Variants in ACTN1 observed in about 807,000 individuals in gnomAD.
ACTN1 encodes the protein alpha-actinin-1.
In ACTN1, 30 loss-of-function variants were observed where a neutral mutation model predicts 119.6. The ratio of observed to expected loss-of-function variants is 0.25; its 90% CI spans 0.19 to 0.34. The LOEUF is 0.34. Among genes scored for constraint, ACTN1 ranks in the 10% least tolerant of loss-of-function variants. The probability of loss-of-function intolerance (pLI) is 1.00; values close to 1 mark genes in which losing one functional copy is unlikely to be tolerated. For missense variants in ACTN1, 764 were observed against 1,223.4 expected, an observed-to-expected ratio of 0.62 and a Z score of 5.60; for synonymous variants, 429 against 472.6, an observed-to-expected ratio of 0.91 and a Z score of 1.20.
intron 1 of ACTN1, among the ~76,000 whole-genome samples, chr14:68,946,865 G>C (rs1485145730): frequency 6.6e-6 from 1 of 152,172 alleles, no homozygotes; most frequent in Non-Finnish European, 1.5e-5. Context: ...TGGAATGTTT[G>C]CAGGCACAAT....
intron 1 of ACTN1, among the ~76,000 whole-genome samples, chr14:68,959,827 G>A (rs1323578137): frequency 2.6e-5 from 4 of 152,090 alleles, no homozygotes; most frequent in South Asian, 4.1e-4. Context: ...AAGAGGCAAC[G>A]ACCCTCACAC....
chr14:68,950,493 A>C (rs1377597863), intron 1 of ACTN1, among the ~76,000 whole-genome samples: 1 of 112,332 alleles, frequency 8.9e-6, no homozygotes, highest in Non-Finnish European at 1.7e-5. Context: ...AAACATATAA[A>C]ATCTGTGGTA....
chr14:68,906,207 T>G (rs906145030), intron 6 of ACTN1, among the ~76,000 whole-genome samples: 10 of 152,270 alleles, frequency 6.6e-5, no homozygotes, highest in Admixed American at 1.3e-4. Context: ...GAACAGTAAG[T>G]GTATTTAAAA....
intron 3 of ACTN1, among the ~76,000 whole-genome samples, chr14:68,919,218 C>T (rs1263333457): frequency 6.6e-6 from 1 of 152,038 alleles, no homozygotes; most frequent in Admixed American, 6.5e-5. Flanking sequence ...GCACTGGATC[C>T]ACACAGCAGC....
At chr14:68,963,409 A>G (rs1686179219) in intron 1 of ACTN1, among the ~76,000 whole-genome samples, 2 of 152,238 alleles carry the variant, frequency 1.3e-5, no homozygotes, top group Non-Finnish European at 2.9e-5. Flanking sequence ...GCAGGTAGAT[A>G]TTCATTTTAT....
chr14:68,892,960 T>C (rs1240287673), intron 9 of ACTN1, among the ~76,000 whole-genome samples: 1 of 152,168 alleles, frequency 6.6e-6, no homozygotes, highest in African/African-American at 2.4e-5. Context: ...ATCACCTGCA[T>C]GTTACAGAGG....
At chr14:68,922,509 A>C (rs541956102) in intron 2 of ACTN1, among the ~76,000 whole-genome samples, 2 of 152,234 alleles carry the variant, frequency 1.3e-5, no homozygotes, top group South Asian at 4.1e-4. Flanking sequence ...GGATGCAGGC[A>C]GCACCACGTC....
Position 68,882,672 on chromosome 14 carries a change from G to A in ACTN1, c.1819-80C>T. 6.3e-7 allele frequency: 1 copy of A among 1,589,572 alleles called. No individual in the cohort carries two copies. The highest frequency in any genetic ancestry group is 8.6e-7 in the Non-Finnish European group (1 of 1,164,280). On this transcript the variant is annotated intron_variant, in intron 15 of 21. Transcript: ENST00000394419. The surrounding 1 kb of genome is among the most constrained non-coding windows in gnomAD (Gnocchi z 4.5). ...GCCAGATGAGGAAATGGAGGACCCA[G>A]AAGGGGAAGGGCCGGTCAGTAACAG...
chr14:68,964,375 G>A (rs1319476164), intron 1 of ACTN1, among the ~76,000 whole-genome samples: 5 of 152,180 alleles, frequency 3.3e-5, no homozygotes, highest in Admixed American at 6.5e-5. Context: ...CAGTCTCCAC[G>A]ACCAGAGAGG....
At chr14:68,946,548 C>A (rs2035952507) in intron 1 of ACTN1, among the ~76,000 whole-genome samples, 1 of 152,210 alleles carries the variant, frequency 6.6e-6, no homozygotes, top group South Asian at 2.1e-4. Context: ...ACTCCACCAG[C>A]AGCCCTGAGG....
Position 68,877,210 on chromosome 14 carries a change from T to C in ACTN1, c.2458A>G (p.Ile820Val), listed in dbSNP as rs751072881. The change falls in exon 21 of 22, where the codon ATT becomes GTT. Residue 820 changes from isoleucine to valine, a missense_variant. Coordinates refer to ENST00000394419, the MANE Select transcript of ACTN1 (RefSeq NM_001130004.2). ...GEAEFARIMSIVDPNRLGVVT... is the reference protein window; with the variant it reads ...GEAEFARIMSVVDPNRLGVVT... ...ACCCCCAGGCGGTTGGGGTCCACAA[T>C]GCTCATGATGCGGGCAAATTCTGCT... is the stretch of plus-strand genomic sequence containing the variant. 6.2e-7 allele frequency: 1 copy of C among 1,614,048 alleles called. No individual in the cohort carries two copies. The highest frequency in any genetic ancestry group is 8.5e-7 in the Non-Finnish European group (1 of 1,180,032).
intron 1 of ACTN1, among the ~76,000 whole-genome samples, chr14:68,966,873 G>GCCAAATGCA (rs1307274423): frequency 6.6e-6 from 1 of 152,220 alleles, no homozygotes; most frequent in African/African-American, 2.4e-5. Flanking sequence ...GCAGGGCTCA[G>GCCAAATGCA]CCAAATGCAA....
chr14:68,936,707 G>A, intron 1 of ACTN1: 1 of 637,304 alleles, frequency 1.6e-6, no homozygotes. Context: ...CGGAGGAAAG[G>A]GGCTTTGACA....
At chr14:68,902,211 C>T (rs1349513262) in intron 8 of ACTN1, among the ~76,000 whole-genome samples, 1 of 152,222 alleles carries the variant, frequency 6.6e-6, no homozygotes, top group Non-Finnish European at 1.5e-5. Flanking sequence ...ACAGCCCTTC[C>T]TGCTTAAGCC....
chr14:68,924,391 T>C (rs1296250285), intron 2 of ACTN1, among the ~76,000 whole-genome samples: 1 of 152,234 alleles, frequency 6.6e-6, no homozygotes, highest in Non-Finnish European at 1.5e-5. Context: ...GTGCATGTCA[T>C]CTGGGGAGAG....
At chr14:68,957,251 G>T (rs2036380061) in intron 1 of ACTN1, among the ~76,000 whole-genome samples, 1 of 152,170 alleles carries the variant, frequency 6.6e-6, no homozygotes, top group African/African-American at 2.4e-5. Context: ...TCCATGCATG[G>T]TAAGAGGGGT....
intron 9 of ACTN1, 139 bp downstream of exon 9, chr14:68,893,516 C>T: frequency 1.3e-6 from 1 of 777,026 alleles, no homozygotes. Flanking sequence ...CAACAGAGCT[C>T]AGGCTGCCCT....
At position 68,879,559 on chromosome 14, in the gene ACTN1, C is replaced by A. The variant is rs1319494646; in HGVS notation, c.2280+403G>T. 6.6e-6 allele frequency among the ~76,000 whole-genome samples: 1 copy of A among 152,146 alleles called. No individual in the cohort carries two copies. The highest frequency in any genetic ancestry group is 1.5e-5 in the Non-Finnish European group (1 of 68,002). ...AACCCAGGACCAAGGCCTCTGACATCCCCAGCAGAGTCCCAGAGGCCACTG... is the reference window on the plus strand; with the variant it reads ...AACCCAGGACCAAGGCCTCTGACATACCCAGCAGAGTCCCAGAGGCCACTG... On this transcript the variant is annotated intron_variant, in intron 18 of 21. Transcript: ENST00000394419. The surrounding 1 kb of genome is among the most constrained non-coding windows in gnomAD (Gnocchi z 4.9).
intron 6 of ACTN1, among the ~76,000 whole-genome samples, chr14:68,907,392 C>T (rs2033729668): frequency 4.0e-5 from 6 of 150,900 alleles, no homozygotes; most frequent in Admixed American, 4.0e-4. Flanking sequence ...GGTGAAATCC[C>T]GTCTCCACTA....
Sources: allele counts gnomAD v4.1 joint callset (sites outside exome capture counted in the v4.1 genomes callset), GRCh38; gene constraint gnomAD v4.1.1; non-coding constraint Gnocchi (gnomAD v3.1); transcripts MANE v1.5; gene names NCBI Gene and HGNC (gene_info 2026-07-23, HGNC 2026-07-21).